The following SMARCC1 variants were observed in gnomAD, a reference collection of about 807,000 sequenced individuals.
SMARCC1 encodes SWI/SNF related BAF chromatin remodeling complex subunit C1, also known as SWI/SNF complex subunit SMARCC1.
SMARCC1 carries 43 observed loss-of-function variants against 147.4 expected under a neutral mutation model. That is an observed-to-expected ratio of 0.29 (90% CI 0.23 to 0.38). The LOEUF (loss-of-function observed/expected upper bound fraction) is 0.38. Among genes scored for constraint, SMARCC1 ranks in the 10% least tolerant of loss-of-function variants. The probability of loss-of-function intolerance (pLI) is 1.00; values close to 1 mark genes in which losing one functional copy is unlikely to be tolerated. For synonymous variants in SMARCC1, 495 were observed against 484.4 expected (o/e 1.02, Z -0.29); for missense variants, 1,119 against 1,381.1 (o/e 0.81, Z 3.01).
chr3:47,666,588 T>A (rs2033422840), intron 19 of SMARCC1, among the ~76,000 whole-genome samples: 6 of 140,260 alleles, frequency 4.3e-5, no homozygotes, highest in Non-Finnish European at 4.6e-5. Context: ...TTTTCCTAAT[T>A]AAAAAAAAAA....
At chr3:47,766,928 T>C (rs2034847007) in intron 2 of SMARCC1, among the ~76,000 whole-genome samples, 1 of 152,146 alleles carries the variant, frequency 6.6e-6, no homozygotes, top group Non-Finnish European at 1.5e-5. Flanking sequence ...CTCACGCCTG[T>C]AATCCCAGCA....
intron 16 of SMARCC1, among the ~76,000 whole-genome samples, chr3:47,677,339 G>A (rs913750860): frequency 2.0e-5 from 3 of 151,308 alleles, no homozygotes; most frequent in African/African-American, 7.3e-5. Flanking sequence ...GACCTCAGGT[G>A]ATCTACCCAC....
At chr3:47,670,609 G>A (rs1402089111) in intron 19 of SMARCC1, 49 bp downstream of exon 19, 2 of 1,129,496 alleles carry the variant, frequency 1.8e-6, no homozygotes, top group Non-Finnish European at 2.7e-6. Context: ...AAAATAAAAT[G>A]CTAGTCAAAG....
chr3:47,595,757 G>A (rs572328495), intron 26 of SMARCC1, among the ~76,000 whole-genome samples: 27 of 143,150 alleles, frequency 1.9e-4, no homozygotes, highest in African/African-American at 5.7e-4. Context: ...TTTTTGAGAC[G>A]GGAGTCTCAC....
intron 26 of SMARCC1, among the ~76,000 whole-genome samples, chr3:47,601,984 G>A (rs1282693632): frequency 6.6e-6 from 1 of 152,116 alleles, no homozygotes; most frequent in Non-Finnish European, 1.5e-5. Context: ...ACAGGCATGA[G>A]CCACCATGCC....
intron 14 of SMARCC1, among the ~76,000 whole-genome samples, 185 bp from the exon 15 acceptor site, chr3:47,680,693 G>A (rs1477034998): frequency 6.0e-5 from 9 of 150,088 alleles, no homozygotes; most frequent in Admixed American, 6.0e-4. Flanking sequence ...GACTACAGGC[G>A]CCCGCCACTA....
At chr3:47,679,849 G>A (rs1282153164) in intron 15 of SMARCC1, among the ~76,000 whole-genome samples, 4 of 129,096 alleles carry the variant, frequency 3.1e-5, no homozygotes, top group South Asian at 2.6e-4. Context: ...GTGACAGAGC[G>A]AGACTCCATC....
chr3:47,621,025 G>C (rs2032723113), intron 25 of SMARCC1, among the ~76,000 whole-genome samples: 1 of 152,102 alleles, frequency 6.6e-6, no homozygotes, highest in Admixed American at 6.5e-5. Context: ...TGTTCGGCCG[G>C]GCATGGTGGC....
chr3:47,626,233 G>A (rs537853102), intron 24 of SMARCC1, among the ~76,000 whole-genome samples: 80 of 151,524 alleles, frequency 5.3e-4, no homozygotes, highest in African/African-American at 1.8e-3. Context: ...TGTAACCTCC[G>A]CCTTCTAGGT....
rs557648910 is a variant in SMARCC1, at chr3:47,626,866, A to G, written c.2647-4525T>C. On this transcript the variant is annotated intron_variant, in intron 24 of 27. Transcript: ENST00000254480. ...ATGATCACCCTGCTGGAAAGACCAC[A>G]AGGGGAAATTCTGAGACTACATGGA... Among the ~76,000 whole-genome samples the G allele has an allele frequency of 2.3e-3, 344 of 152,230 alleles. 2 individuals are homozygous for G. The highest frequency in any genetic ancestry group is 8.0e-3 in the African/African-American group (333 of 41,548).
intron 4 of SMARCC1, among the ~76,000 whole-genome samples, chr3:47,737,560 AAAC>A (rs1357223650): frequency 4.6e-5 from 7 of 152,148 alleles, no homozygotes. Flanking sequence ...AAAAATAATA[AAAC>A]AATACCTTTC....
chr3:47,772,692 T>A, intron 2 of SMARCC1, 125 bp downstream of exon 2: 1 of 850,268 alleles, frequency 1.2e-6, no homozygotes, highest in Non-Finnish European at 1.8e-6. Context: ...TAACTAAAAT[T>A]TGTTTTTTGC....
At chr3:47,662,290 A>C in intron 20 of SMARCC1, 44 bp downstream of exon 20, 2 of 1,561,364 alleles carry the variant, frequency 1.3e-6, no homozygotes, top group Admixed American at 1.9e-5. Flanking sequence ...AATTGGGATA[A>C]ACTGAGTTTT....
chr3:47,726,719 A>G (rs909168682), intron 6 of SMARCC1, among the ~76,000 whole-genome samples: 1 of 152,252 alleles, frequency 6.6e-6, no homozygotes, highest in Non-Finnish European at 1.5e-5. Context: ...AGCAAAACAA[A>G]TTAATCATAA....
At chr3:47,719,070 G>A (rs937635578) in intron 7 of SMARCC1, among the ~76,000 whole-genome samples, 1 of 152,010 alleles carries the variant, frequency 6.6e-6, no homozygotes, top group African/African-American at 2.4e-5. Flanking sequence ...CCACCACCAT[G>A]CCCGGCCAAT....
chr3:47,633,763 AAT>A lies in SMARCC1; in HGVS notation c.2646+1425_2646+1426del, dbSNP rs1203888918. Among the ~76,000 whole-genome samples the A allele has an allele frequency of 1.3e-3, 42 of 31,716 alleles. 2 individuals are homozygous for A. The highest frequency in any genetic ancestry group is 3.0e-3 in the African/African-American group (35 of 11,836). The allele number at this position is 31,716 out of a possible 152,430, so 20.8% of individuals were successfully genotyped here. ...TCTCAAAAAAAAAAAAAAAAAAAAA[AAT>A]ATATATATATATATACACACACACA... On this transcript the variant is annotated intron_variant, in intron 24 of 27. Coordinates refer to ENST00000254480, the MANE Select transcript of SMARCC1 (RefSeq NM_003074.4).
chr3:47,712,333 G>C (rs1404515666), intron 8 of SMARCC1, among the ~76,000 whole-genome samples: 2 of 151,838 alleles, frequency 1.3e-5, no homozygotes, highest in Non-Finnish European at 2.9e-5. Flanking sequence ...TAAATAAAAG[G>C]GTTAATTAAC....
chr3:47,778,196 A>AAC (rs2034998198), intron 1 of SMARCC1, among the ~76,000 whole-genome samples: 1 of 144,958 alleles, frequency 6.9e-6, no homozygotes, highest in African/African-American at 2.6e-5. Flanking sequence ...ATCTCAAAAA[A>AAC]AAAAAACAAA....
chr3:47,755,849 G>A (rs1344969404), intron 2 of SMARCC1, among the ~76,000 whole-genome samples: 1 of 151,964 alleles, frequency 6.6e-6, no homozygotes, highest in African/African-American at 2.4e-5. Flanking sequence ...AAGTAGCCAG[G>A]CGTGGTGGCA....
Sources: gnomAD v4.1 joint callset for allele counts (sites outside exome capture counted in the v4.1 genomes callset) on GRCh38, gnomAD v4.1.1 for gene constraint, MANE v1.5 for transcripts, NCBI Gene and HGNC (gene_info 2026-07-23, HGNC 2026-07-21) for gene names.